Variants in LY86 observed in about 807,000 individuals in gnomAD.
LY86 encodes lymphocyte antigen 86, also known as MD-1, RP105-associated.
LY86 carries 20 observed loss-of-function variants against 17.3 expected under a neutral mutation model. The observed-to-expected ratio is 1.15, with a 90% CI of 0.81 to 1.68. The LOEUF is 1.68. Ranked by LOEUF, LY86 falls within the 40% of genes most tolerant of loss-of-function variation. LY86 has a pLI of 0.00. For synonymous variants in LY86, 74 were observed against 70.6 expected, an observed-to-expected ratio of 1.05 and a Z score of -0.24; for missense variants, 200 against 191.9, an observed-to-expected ratio of 1.04 and a Z score of -0.25.
At chr6:6,610,200 G>A (rs978417715) in intron 1 of LY86, among the ~76,000 whole-genome samples, 1 of 152,222 alleles carries the variant, frequency 6.6e-6, no homozygotes, top group Non-Finnish European at 1.5e-5. Context: ...GAGTACACCA[G>A]TGTCAATGAC....
intron 3 of LY86, among the ~76,000 whole-genome samples, chr6:6,643,954 A>AAATG (rs1477792701): frequency 6.6e-6 from 1 of 152,272 alleles, no homozygotes; most frequent in Non-Finnish European, 1.5e-5. Flanking sequence ...AATGCTAGGT[A>AAATG]AATGAATGAA....
chr6:6,595,232 GAGGAGGGAAGAGAACAAGA>G (rs1331578987), intron 1 of LY86, among the ~76,000 whole-genome samples: 5 of 150,762 alleles, frequency 3.3e-5, no homozygotes, highest in African/African-American at 4.9e-5. Flanking sequence ...AAAGGAGTAG[GAGGAGGGAAGAGAACAAGA>G]AGGAGGGAAG....
chr6:6,630,706 G>A (rs78325717), intron 3 of LY86, among the ~76,000 whole-genome samples: 67 of 152,236 alleles, frequency 4.4e-4, no homozygotes, highest in African/African-American at 1.5e-3. Flanking sequence ...CACCAAGCGC[G>A]CCGTTACCCC....
At position 6,590,269 on chromosome 6, in the gene LY86, T is replaced by C. The variant is rs116430797; in HGVS notation, c.136+1399T>C. Among the ~76,000 whole-genome samples, 728 of 152,196 alleles carry C rather than the reference T, an allele frequency of 4.8e-3. 5 individuals carry two copies. The highest frequency in any genetic ancestry group is 0.015 in the African/African-American group (623 of 41,494). On this transcript the variant is annotated intron_variant, in intron 1 of 4. Transcript: ENST00000230568. Reference sequence around the variant, plus strand: ...ATCGTTTTGAACCCTACATATACTATGGTTTTTGGACCCAATAAATGAGAC... The same window carrying C: ...ATCGTTTTGAACCCTACATATACTACGGTTTTTGGACCCAATAAATGAGAC...
At chr6:6,625,133 T>C in intron 2 of LY86, 121 bp downstream of exon 2, 1 of 536,452 alleles carries the variant, frequency 1.9e-6, no homozygotes, top group East Asian at 3.4e-5. Flanking sequence ...CACCACTCTC[T>C]GGAATTAACT....
intron 1 of LY86, among the ~76,000 whole-genome samples, chr6:6,606,386 A>C (rs955992053): frequency 1.3e-5 from 2 of 152,032 alleles, no homozygotes. Context: ...TCCCCCCCAG[A>C]CTCAGGATCC....
At chr6:6,625,712 G>A (rs1160167290) in intron 2 of LY86, among the ~76,000 whole-genome samples, 1 of 152,162 alleles carries the variant, frequency 6.6e-6, no homozygotes. Flanking sequence ...TGTATTTCTA[G>A]AATCTTACAC....
chr6:6,651,047 G>T (rs965518318), intron 4 of LY86, among the ~76,000 whole-genome samples: 4 of 151,634 alleles, frequency 2.6e-5, no homozygotes, highest in Non-Finnish European at 4.4e-5. Flanking sequence ...CAAATGACAA[G>T]ATTTTATTCT....
At chr6:6,613,806 G>C (rs1276167727) in intron 1 of LY86, among the ~76,000 whole-genome samples, 1 of 152,230 alleles carries the variant, frequency 6.6e-6, no homozygotes, top group Non-Finnish European at 1.5e-5. Flanking sequence ...CCTCTCAATA[G>C]GGCCCCTTAC....
chr6:6,626,504 AC>A, intron 3 of LY86, 83 bp downstream of exon 3: 2 of 1,505,948 alleles, frequency 1.3e-6, no homozygotes, highest in Non-Finnish European at 1.8e-6. Flanking sequence ...GGACGCCCAG[AC>A]CAGAGCTCTG....
chr6:6,648,000 CA>C (rs1762131433), intron 3 of LY86, among the ~76,000 whole-genome samples: 1 of 145,414 alleles, frequency 6.9e-6, no homozygotes, highest in African/African-American at 2.7e-5. Flanking sequence ...CACACACACA[CA>C]CACACACACA....
At chr6:6,593,216 T>C (rs183238025) in intron 1 of LY86, among the ~76,000 whole-genome samples, 1 of 152,382 alleles carries the variant, frequency 6.6e-6, no homozygotes, top group East Asian at 1.9e-4. Context: ...TTCCAGCTTG[T>C]ATAGGTGCAT....
At chr6:6,617,978 C>A (rs1352621620) in intron 1 of LY86, among the ~76,000 whole-genome samples, 1 of 152,130 alleles carries the variant, frequency 6.6e-6, no homozygotes. Flanking sequence ...ATAGCTGGGA[C>A]TACAGGCACA....
intron 3 of LY86, among the ~76,000 whole-genome samples, chr6:6,628,305 C>G (rs1761836309): frequency 8.0e-6 from 1 of 125,754 alleles, no homozygotes; most frequent in Non-Finnish European, 1.6e-5. Context: ...TCCCCTTCTT[C>G]CTTCTCTCCC....
At chr6:6,603,145 C>T (rs1157075511) in intron 1 of LY86, among the ~76,000 whole-genome samples, 3 of 152,122 alleles carry the variant, frequency 2.0e-5, no homozygotes, top group Admixed American at 2.0e-4. Context: ...TATGAAGGCA[C>T]TTGTCCCATT....
intron 1 of LY86, among the ~76,000 whole-genome samples, chr6:6,603,603 C>CAACAAAAAAAAA (rs1207511602): frequency 4.3e-5 from 3 of 70,464 alleles, no homozygotes; most frequent in Non-Finnish European, 9.6e-5. Context: ...AAAACAGAAA[C>CAACAAAAAAAAA]AGAAAAAAAA....
chr6:6,605,991 T>G (rs1295480163), intron 1 of LY86, among the ~76,000 whole-genome samples: 1 of 152,128 alleles, frequency 6.6e-6, no homozygotes, highest in Non-Finnish European at 1.5e-5. Flanking sequence ...CCAGCAAAAT[T>G]TACTGCGAAA....
At chr6:6,609,130 T>C (rs1213616101) in intron 1 of LY86, among the ~76,000 whole-genome samples, 2 of 152,120 alleles carry the variant, frequency 1.3e-5, no homozygotes. Flanking sequence ...AATCTTTTAT[T>C]GTTCATGGCC....
chr6:6,591,778 T>C (rs1760537756), intron 1 of LY86, among the ~76,000 whole-genome samples: 2 of 152,182 alleles, frequency 1.3e-5, no homozygotes, highest in Non-Finnish European at 2.9e-5. Context: ...GAACCCATGC[T>C]CTAAAACTCC....
Sources: allele counts gnomAD v4.1 joint callset (sites outside exome capture counted in the v4.1 genomes callset), GRCh38; gene constraint gnomAD v4.1.1; transcripts MANE v1.5; gene names NCBI Gene and HGNC (gene_info 2026-07-23, HGNC 2026-07-21).